Variants in COL4A4 observed in about 807,000 individuals in gnomAD.
COL4A4 encodes the protein collagen alpha-4(IV) chain.
COL4A4 carries 105 observed loss-of-function variants against 192.9 expected under a neutral mutation model. That is an observed-to-expected ratio of 0.54 (90% CI 0.46 to 0.64). COL4A4 has a LOEUF of 0.64. Ranked by LOEUF, COL4A4 falls within the 30% of genes least tolerant of loss-of-function variation. The pLI is 0.00. For synonymous variants in COL4A4, 762 were observed against 769.9 expected, an observed-to-expected ratio of 0.99 and a Z score of 0.17; for missense variants, 1,967 against 2,169.3, an observed-to-expected ratio of 0.91 and a Z score of 1.85.
intron 37 of COL4A4, among the ~76,000 whole-genome samples, chr2:227,041,622 CA>C (rs1288843129): frequency 7.1e-6 from 1 of 140,738 alleles, no homozygotes; most frequent in African/African-American, 2.7e-5. Context: ...GCCTGGGTGA[CA>C]GAGCAAGACA....
intron 4 of COL4A4, among the ~76,000 whole-genome samples, chr2:227,138,871 T>C (rs1168311805): frequency 2.0e-5 from 3 of 152,206 alleles, no homozygotes; most frequent in Non-Finnish European, 4.4e-5. Flanking sequence ...GGTAGTGTTT[T>C]GTGTCCTTGT....
intron 25 of COL4A4, among the ~76,000 whole-genome samples, chr2:227,067,996 G>C (rs1464295811): frequency 2.8e-5 from 4 of 144,344 alleles, no homozygotes; most frequent in Non-Finnish European, 4.5e-5. Context: ...AAAAAAGAGA[G>C]AAGAATCAAA....
In COL4A4 at chr2:227,065,062, T is replaced by C. The variant is rs1264200850; in HGVS notation, c.1988-2464A>G. The stretch of plus-strand genomic sequence containing the variant: ...GCACGAGCCGAAGCAGGGCGAGGCA[T>C]TGCCTCACTTGGGAAGTGCAAGGGG... On this transcript the variant is annotated intron_variant, in intron 25 of 47. Coordinates refer to ENST00000396625, the MANE Select transcript of COL4A4 (RefSeq NM_000092.5). Among the ~76,000 whole-genome samples the C allele has an allele frequency of 4.6e-5, 7 of 152,318 alleles. No individual in the cohort carries two copies. The East Asian group carries it at 1.2e-3, about 25-fold the overall frequency.
chr2:227,058,266 GTGTGTA>G (rs1365870684), intron 28 of COL4A4, among the ~76,000 whole-genome samples: 1 of 152,138 alleles, frequency 6.6e-6, no homozygotes, highest in Non-Finnish European at 1.5e-5. Context: ...GATAGAGTGT[GTGTGTA>G]TGTGTGTGTG....
intron 5 of COL4A4, chr2:227,120,656 G>A: frequency 3.5e-6 from 1 of 284,144 alleles, no homozygotes; most frequent in Non-Finnish European, 6.9e-6. Context: ...CTCCAGTGCT[G>A]GCCAGGCACA....
intron 7 of COL4A4, among the ~76,000 whole-genome samples, chr2:227,116,809 G>A (rs560684331): frequency 1.3e-5 from 2 of 152,178 alleles, no homozygotes; most frequent in African/African-American, 4.8e-5. Flanking sequence ...AACCCTGAGA[G>A]ATATTTCACA....
intron 37 of COL4A4, 144 bp downstream of exon 37, chr2:227,042,004 A>C: frequency 2.8e-6 from 2 of 714,952 alleles, no homozygotes; most frequent in South Asian, 3.0e-5. Context: ...TGGCTAAGGA[A>C]GAGTAGGAAG....
chr2:227,057,103 C>T (rs541429467), intron 29 of COL4A4, among the ~76,000 whole-genome samples: 1 of 152,274 alleles, frequency 6.6e-6, no homozygotes, highest in African/African-American at 2.4e-5. Flanking sequence ...CTTGTGTTTG[C>T]AGCAAGCACC....
chr2:227,056,042 T>A lies in COL4A4; in HGVS notation c.2619A>T (p.Gly873=). The A allele has an allele frequency of 1.9e-6, 3 of 1,613,640 alleles. No individual in the cohort carries two copies. The highest frequency in any genetic ancestry group is 2.5e-6 in the Non-Finnish European group (3 of 1,179,854). The change falls in exon 30 of 48, where the codon GGA becomes GGT. Residue 873 remains glycine, a synonymous_variant. Coordinates refer to ENST00000396625, the MANE Select transcript of COL4A4 (RefSeq NM_000092.5). ...CATGTGCCCCAGGCCGTCCTGGGAG[T>A]CCGGGGAGGCCTTTCATTCCAGCTG... ...PGPAGMKGLP[G]LPGRPGAHGP... is the part of the protein sequence containing the mutation.
chr2:227,087,942 C>T (rs1172808001), intron 22 of COL4A4, among the ~76,000 whole-genome samples: 2 of 152,092 alleles, frequency 1.3e-5, no homozygotes, highest in African/African-American at 4.8e-5. Flanking sequence ...GCGTTTATCA[C>T]CACATGACAT....
chr2:227,114,840 A>G, intron 7 of COL4A4, 144 bp from the exon 8 acceptor site: 2 of 709,754 alleles, frequency 2.8e-6, no homozygotes, highest in Non-Finnish European at 5.0e-6. Context: ...ATCCTCTTCC[A>G]TATTATTATC....
chr2:227,057,417 C>T (rs1156625501), intron 29 of COL4A4, 22 bp downstream of exon 29: 1 of 1,588,396 alleles, frequency 6.3e-7, no homozygotes, highest in East Asian at 2.3e-5. Context: ...GCCCCAGACC[C>T]TTCACAGTTC....
chr2:227,106,445 G>A (rs987319899), intron 12 of COL4A4, among the ~76,000 whole-genome samples: 1 of 152,094 alleles, frequency 6.6e-6, no homozygotes, highest in African/African-American at 2.4e-5. Context: ...AAATGTAAAA[G>A]GTCCATAATT....
intron 22 of COL4A4, among the ~76,000 whole-genome samples, chr2:227,086,498 TG>T (rs1348194232): frequency 3.3e-5 from 5 of 151,882 alleles, no homozygotes; most frequent in Non-Finnish European, 7.4e-5. Flanking sequence ...CCTTCCCTAG[TG>T]CCCCATGGTA....
At chr2:227,128,958 A>C (rs1193294010) in intron 4 of COL4A4, among the ~76,000 whole-genome samples, 1 of 152,080 alleles carries the variant, frequency 6.6e-6, no homozygotes, top group Non-Finnish European at 1.5e-5. Context: ...CTCTGCCCCA[A>C]TCACACTTGT....
At chr2:226,980,434 G>A in the COL4A4 span, among the ~76,000 whole-genome samples, 1 of 152,174 alleles carries the variant, frequency 6.6e-6, no homozygotes, top group Non-Finnish European at 1.5e-5. Flanking sequence ...GATTTGGGGT[G>A]TGGTTCTGTG....
chr2:226,971,999 T>TTGC, the COL4A4 span, among the ~76,000 whole-genome samples: 3 of 152,016 alleles, frequency 2.0e-5, no homozygotes, highest in African/African-American at 7.2e-5. Context: ...CCACGGTGGT[T>TTGC]TGCTGCACCT....
intron 25 of COL4A4, among the ~76,000 whole-genome samples, chr2:227,066,957 G>A (rs1490049015): frequency 6.7e-5 from 10 of 148,160 alleles, no homozygotes; most frequent in African/African-American, 2.2e-4. Context: ...TCAGTGTGCT[G>A]TATTCAGCAA....
intron 17 of COL4A4, among the ~76,000 whole-genome samples, chr2:227,100,060 G>C (rs564988427): frequency 6.6e-6 from 1 of 152,156 alleles, no homozygotes; most frequent in Non-Finnish European, 1.5e-5. Context: ...AACAAGGTCC[G>C]AATCTACATT....
Sources: gnomAD v4.1 joint callset for allele counts (sites outside exome capture counted in the v4.1 genomes callset) on GRCh38, gnomAD v4.1.1 for gene constraint, MANE v1.5 for transcripts, NCBI Gene and HGNC (gene_info 2026-07-23, HGNC 2026-07-21) for gene names.